DOCK3: variants seen among roughly 807,000 people sequenced by gnomAD.
DOCK3 encodes the protein dedicator of cytokinesis 3.
In DOCK3, 60 loss-of-function variants were observed where a neutral mutation model predicts 265.6. The observed-to-expected ratio is 0.23, with a 90% CI of 0.18 to 0.28. DOCK3 has a LOEUF of 0.28. Among genes scored for constraint, DOCK3 ranks in the 10% least tolerant of loss-of-function variants. The probability of loss-of-function intolerance (pLI) is 1.00; values close to 1 mark genes in which losing one functional copy is unlikely to be tolerated. For missense variants in DOCK3, 1,981 were observed against 2,594.3 expected, an observed-to-expected ratio of 0.76 and a Z score of 5.14; for synonymous variants, 881 against 938.0, an observed-to-expected ratio of 0.94 and a Z score of 1.11.
chr3:50,813,788 C>T (rs1196003987), intron 2 of DOCK3, among the ~76,000 whole-genome samples: 2 of 152,094 alleles, frequency 1.3e-5, no homozygotes, highest in African/African-American at 2.4e-5. Context: ...CATATTAATA[C>T]AAACAGACCT....
intron 2 of DOCK3, among the ~76,000 whole-genome samples, chr3:50,820,028 AG>A (rs1489688089): frequency 6.6e-6 from 1 of 152,226 alleles, no homozygotes; most frequent in Non-Finnish European, 1.5e-5. Flanking sequence ...TATGTCTGAA[AG>A]GGGGAGAAAG....
At chr3:50,918,597 T>G (rs1377308256) in intron 4 of DOCK3, among the ~76,000 whole-genome samples, 1 of 152,170 alleles carries the variant, frequency 6.6e-6, no homozygotes, top group African/African-American at 2.4e-5. Context: ...GCCCACTTTT[T>G]GATGGGGTTG....
At chr3:51,237,436 G>A in intron 20 of DOCK3, 54 bp from the exon 21 acceptor site, 2 of 1,463,892 alleles carry the variant, frequency 1.4e-6, no homozygotes, top group Non-Finnish European at 9.5e-7. Context: ...TCCTGCTGGG[G>A]ATAGATCTGA....
At chr3:50,907,292 A>C (rs1302786541) in intron 4 of DOCK3, among the ~76,000 whole-genome samples, 1 of 152,068 alleles carries the variant, frequency 6.6e-6, no homozygotes, top group Admixed American at 6.5e-5. Context: ...AGCTGAGTTC[A>C]ATTCCTGAAT....
At chr3:51,115,233 A>G (rs547333364) in intron 9 of DOCK3, among the ~76,000 whole-genome samples, 109 of 152,240 alleles carry the variant, frequency 7.2e-4, no homozygotes, top group African/African-American at 2.6e-3. Context: ...GTTTTTCCCA[A>G]TGGTTGAACT....
At chr3:50,739,142 A>G (rs1419559057) in intron 1 of DOCK3, among the ~76,000 whole-genome samples, 1 of 152,174 alleles carries the variant, frequency 6.6e-6, no homozygotes, top group East Asian at 1.9e-4. Flanking sequence ...TGTAAGACAC[A>G]TCTCTTGCAA....
intron 5 of DOCK3, among the ~76,000 whole-genome samples, chr3:50,993,555 C>G (rs151226423): frequency 1.2e-4 from 19 of 152,292 alleles, no homozygotes; most frequent in African/African-American, 4.1e-4. Context: ...CTCCTCTGCA[C>G]CCCCAGCATG....
intron 3 of DOCK3, among the ~76,000 whole-genome samples, chr3:50,847,748 G>A (rs1420343221): frequency 6.6e-6 from 1 of 151,990 alleles, no homozygotes; most frequent in African/African-American, 2.4e-5. Flanking sequence ...GCCGGGCATG[G>A]TAGTGTATAC....
intron 9 of DOCK3, among the ~76,000 whole-genome samples, chr3:51,138,495 G>A (rs2084908241): frequency 6.6e-6 from 1 of 152,192 alleles, no homozygotes; most frequent in African/African-American, 2.4e-5. Flanking sequence ...TTGGCACTGT[G>A]AGAACTAAAC....
intron 9 of DOCK3, among the ~76,000 whole-genome samples, chr3:51,094,862 G>GC (rs1480549427): frequency 6.6e-6 from 1 of 151,674 alleles, no homozygotes; most frequent in Non-Finnish European, 1.5e-5. Flanking sequence ...TGTATTGGGT[G>GC]CATATATATT....
intron 5 of DOCK3, among the ~76,000 whole-genome samples, chr3:51,056,067 C>A (rs1228806812): frequency 6.6e-6 from 1 of 152,106 alleles, no homozygotes; most frequent in Admixed American, 6.6e-5. Context: ...CATATCGCTT[C>A]TTTGCATTTT....
intron 12 of DOCK3, among the ~76,000 whole-genome samples, chr3:51,162,295 T>A (rs930562548): frequency 1.3e-5 from 2 of 152,228 alleles, no homozygotes; most frequent in Non-Finnish European, 2.9e-5. Flanking sequence ...TTAAGCCACA[T>A]TTGATTAATT....
chr3:50,900,747 C>G (rs2049148271), intron 4 of DOCK3: 2 of 448,792 alleles, frequency 4.5e-6, no homozygotes, highest in Admixed American at 4.8e-5. Flanking sequence ...TGCTGCAGGT[C>G]TGCTGGAGTT....
intron 31 of DOCK3, 40 bp from the exon 32 acceptor site, chr3:51,314,940 A>G (rs2083286274): frequency 6.4e-7 from 1 of 1,560,078 alleles, no homozygotes; most frequent in Admixed American, 1.8e-5. Context: ...CCATGGAAGG[A>G]GCAAAGCAGG....
chr3:50,786,971 G>A (rs1576432367), intron 2 of DOCK3: 1 of 742,032 alleles, frequency 1.3e-6, no homozygotes, highest in East Asian at 2.5e-5. Context: ...TTTCATGTGT[G>A]CAACCATGTG....
At position 50,676,032 on chromosome 3, in the gene DOCK3, A is replaced by C. The variant is rs193132573; in HGVS notation, c.37+732A>C. 2.2e-3 allele frequency among the ~76,000 whole-genome samples: 337 copies of C among 152,292 alleles called. 1 individual carries two copies. Among genetic ancestry groups the C allele is most frequent in the Non-Finnish European group, 4.0e-3 (272 of 68,032 alleles). On this transcript the variant is annotated intron_variant, in intron 1 of 52. Coordinates refer to ENST00000266037, the MANE Select transcript of DOCK3 (RefSeq NM_004947.5). ...AATATTCAGTAATTTAAAGTATTGA[A>C]TGTTTTACAATGTTAGTGTTTTGTG...
chr3:51,355,847 T>C (rs2086324575), intron 41 of DOCK3, among the ~76,000 whole-genome samples: 2 of 152,136 alleles, frequency 1.3e-5, no homozygotes, highest in South Asian at 4.1e-4. Context: ...TGTTGACATC[T>C]CACCTTGGCT....
intron 44 of DOCK3, 32 bp downstream of exon 44, chr3:51,357,173 G>GC (rs2086421347): frequency 6.3e-7 from 1 of 1,591,284 alleles, no homozygotes; most frequent in Admixed American, 1.8e-5. Flanking sequence ...AACCCATGCA[G>GC]CCAGCCTGGC....
At chr3:50,870,209 G>T (rs1341244147) in intron 3 of DOCK3, among the ~76,000 whole-genome samples, 3 of 152,146 alleles carry the variant, frequency 2.0e-5, no homozygotes, top group South Asian at 2.1e-4. Context: ...TGAAAGTGGG[G>T]TGTTGATGTC....
Sources: allele counts gnomAD v4.1 joint callset (sites outside exome capture counted in the v4.1 genomes callset), GRCh38; gene constraint gnomAD v4.1.1; transcripts MANE v1.5; gene names NCBI Gene and HGNC (gene_info 2026-07-23, HGNC 2026-07-21).